GABRB3: variants seen among roughly 807,000 people sequenced by gnomAD.
GABRB3 encodes the protein gamma-aminobutyric acid type A receptor subunit beta3.
GABRB3 carries 14 observed loss-of-function variants against 52.1 expected under a neutral mutation model. That is an observed-to-expected ratio of 0.27 (90% CI 0.18 to 0.42). The LOEUF (loss-of-function observed/expected upper bound fraction) is 0.42. Ranked by LOEUF, GABRB3 falls within the 10% of genes least tolerant of loss-of-function variation. The probability of loss-of-function intolerance (pLI) is 1.00; values close to 1 mark genes in which losing one functional copy is unlikely to be tolerated. For synonymous variants in GABRB3, 260 were observed against 232.3 expected (o/e 1.12, Z -1.08); for missense variants, 307 against 609.1 (o/e 0.50, Z 5.22).
chr15:26,547,539 ATATATG>A lies in GABRB3; in HGVS notation c.*248_*253del. ...TAAATTGTCCATAGCTGCAAAATGTATATATGTATGTGTATTTGTCTTCCATACACA... is the reference window on the plus strand; with the variant it reads ...TAAATTGTCCATAGCTGCAAAATGTATATGTGTATTTGTCTTCCATACACA... On this transcript the variant is annotated 3_prime_UTR_variant, in exon 9 of 9. Transcript: ENST00000311550. The A allele has an allele frequency of 1.7e-6, 1 of 578,116 alleles. No individual in the cohort carries two copies. The highest frequency in any genetic ancestry group is 3.1e-6 in the Non-Finnish European group (1 of 327,352). 35.8% of individuals were successfully genotyped at this position (578,116 alleles called of 1,614,324 possible). A position where few individuals can be genotyped will look rare whatever the true frequency, so the allele number is the denominator to read the frequency against.
intron 7 of GABRB3, 97 bp from the exon 8 acceptor site, chr15:26,561,273 T>TC: frequency 2.6e-6 from 4 of 1,558,830 alleles, no homozygotes; most frequent in Non-Finnish European, 3.5e-6. Flanking sequence ...CTTTAAGTAG[T>TC]CAGAGATAAG....
chr15:26,733,613 T>C (rs1024255283), intron 3 of GABRB3, among the ~76,000 whole-genome samples: 1 of 152,218 alleles, frequency 6.6e-6, no homozygotes, highest in African/African-American at 2.4e-5. Flanking sequence ...CATTGATGTT[T>C]TATGCAGAAA....
chr15:26,599,278 C>A lies in GABRB3; in HGVS notation c.462-15864G>T, dbSNP rs1045859180. 9.2e-5 allele frequency among the ~76,000 whole-genome samples: 14 copies of A among 152,194 alleles called. 1 individual carries two copies. Among genetic ancestry groups the A allele is most frequent in the Admixed American group, 5.9e-4 (9 of 15,282 alleles). On this transcript the variant is annotated intron_variant, in intron 4 of 8. Transcript: ENST00000311550. ...TTCCAGAGATGGAAAGGGGCTAGAC[C>A]TTTCCATCAGCATCCAGCTCCTCCA...
At chr15:26,679,071 G>A (rs898168821) in intron 3 of GABRB3, among the ~76,000 whole-genome samples, 27 of 152,178 alleles carry the variant, frequency 1.8e-4, no homozygotes, top group South Asian at 1.2e-3. Flanking sequence ...TCCAGCATCC[G>A]CCCCGGGGGC....
At position 26,585,991 on chromosome 15, in the gene GABRB3, TTTTG is replaced by T. The variant is rs112657892; in HGVS notation, c.462-2581_462-2578del. ...CAATGTTCAAATTTTTTAATTTTCT[TTTTG>T]TTTGTTTGTTTGTTTGTTTTTGCTA... is the stretch of plus-strand genomic sequence containing the variant. On this transcript the variant is annotated intron_variant, in intron 4 of 8. Coordinates refer to ENST00000311550, the MANE Select transcript of GABRB3 (RefSeq NM_000814.6). 3.5e-3 allele frequency among the ~76,000 whole-genome samples: 535 copies of T among 152,180 alleles called. 4 individuals carry two copies. The highest frequency in any genetic ancestry group is 0.011 in the African/African-American group (445 of 41,524).
At position 26,709,334 on chromosome 15, in the gene GABRB3, G is replaced by GC. The variant is rs1444030882; in HGVS notation, c.240+63067dup. ...TTGATCACAGGAGAGTTGTTAAAAG[G>GC]CCCGTACCCCCTACCTCCCCTCTCT... On this transcript the variant is annotated intron_variant, in intron 3 of 8. Coordinates refer to ENST00000311550, the MANE Select transcript of GABRB3 (RefSeq NM_000814.6). Among the ~76,000 whole-genome samples, 9 of 152,012 alleles carry GC rather than the reference G, an allele frequency of 5.9e-5. No individual in the cohort carries two copies. The East Asian group carries it at 1.6e-3, about 26-fold the overall frequency.
intron 3 of GABRB3, among the ~76,000 whole-genome samples, chr15:26,756,790 A>C (rs1422432093): frequency 6.6e-6 from 1 of 152,290 alleles, no homozygotes; most frequent in South Asian, 2.1e-4. Flanking sequence ...TTTCCACTTA[A>C]CCATTCTCCT....
At chr15:26,704,065 G>A (rs529452531) in intron 3 of GABRB3, among the ~76,000 whole-genome samples, 27 of 152,294 alleles carry the variant, frequency 1.8e-4, no homozygotes, top group African/African-American at 4.8e-4. Flanking sequence ...GCAGTTCTCC[G>A]CATGGGCCTT....
In GABRB3 at chr15:26,674,559, C is replaced by T. The variant is rs147245969; in HGVS notation, c.241-53025G>A. ...AGAGGAATATAAGACCCTGTACTTG[C>T]GGCATTGAAATTCTAGAAAAAAAAT... On this transcript the variant is annotated intron_variant, in intron 3 of 8. Transcript: ENST00000311550. Among the ~76,000 whole-genome samples the T allele has an allele frequency of 1.6e-4, 25 of 151,710 alleles. No individual in the cohort carries two copies. In the East Asian group the frequency reaches 4.5e-3, roughly 27 times the overall value.
intron 3 of GABRB3, among the ~76,000 whole-genome samples, chr15:26,623,091 A>T (rs189466245): frequency 4.3e-4 from 65 of 152,312 alleles, no homozygotes; most frequent in African/African-American, 1.4e-3. Flanking sequence ...AGATTCTCGC[A>T]GAGCAGGTGA....
chr15:26,773,082 AGGGCGGAGGGGGAG>A (rs1891203827), upstream of GABRB3: 1 of 981,570 alleles, frequency 1.0e-6, no homozygotes, highest in Non-Finnish European at 1.2e-6. Flanking sequence ...GGAGCGGAGG[AGGGCGGAGGGGGAG>A]GGGAGGAGGG....
rs150301275 is a variant in GABRB3, at chr15:26,763,607, TACACACACACACACACAC to T, written c.240+8777_240+8794del. ...CACAACCATTTTTGGTCTGCATAGA[TACACACACACACACACAC>T]ACACACACACACACCATGGAATAAT... On this transcript the variant is annotated intron_variant, in intron 3 of 8. Coordinates refer to ENST00000311550, the MANE Select transcript of GABRB3 (RefSeq NM_000814.6). Among the ~76,000 whole-genome samples the T allele has an allele frequency of 1.5e-4, 22 of 145,958 alleles. No individual in the cohort carries two copies. In the South Asian group the frequency reaches 4.7e-3, roughly 31 times the overall value.
At chr15:26,637,549 G>A (rs991410708) in intron 3 of GABRB3, among the ~76,000 whole-genome samples, 1 of 152,198 alleles carries the variant, frequency 6.6e-6, no homozygotes, top group African/African-American at 2.4e-5. Flanking sequence ...CTGAACAAGT[G>A]TGTAGAAGTT....
At chr15:26,678,175 T>A (rs1448129980) in intron 3 of GABRB3, among the ~76,000 whole-genome samples, 2 of 152,168 alleles carry the variant, frequency 1.3e-5, no homozygotes, top group Non-Finnish European at 2.9e-5. Flanking sequence ...ACCCACTCAA[T>A]CCTTGGTGAT....
rs145186659 is a variant in GABRB3 at position 26,633,736 on chromosome 15, G to A, written c.241-12202C>T. On this transcript the variant is annotated intron_variant, in intron 3 of 8. Transcript: ENST00000311550. Reference sequence around the variant, plus strand: ...ACCTTGTAATAGTCTTAAAGCCCGTGCACCTGGAACTGTTTACTTTCCTGT... The same window carrying A: ...ACCTTGTAATAGTCTTAAAGCCCGTACACCTGGAACTGTTTACTTTCCTGT... Among the ~76,000 whole-genome samples, 98 of 152,236 alleles carry A rather than the reference G, an allele frequency of 6.4e-4. No individual in the cohort carries two copies. In the East Asian group the frequency reaches 8.7e-3, roughly 14 times the overall value.
chr15:26,726,843 A>G (rs1889786466), intron 3 of GABRB3, among the ~76,000 whole-genome samples: 1 of 152,118 alleles, frequency 6.6e-6, no homozygotes, highest in African/African-American at 2.4e-5. Context: ...ATACCTTGAG[A>G]TTGTGCAGGT....
chr15:26,605,088 T>C (rs1891735028), intron 4 of GABRB3, among the ~76,000 whole-genome samples: 1 of 152,012 alleles, frequency 6.6e-6, no homozygotes, highest in Non-Finnish European at 1.5e-5. Flanking sequence ...TGTCATTAAT[T>C]AAAACATGAC....
intron 3 of GABRB3, among the ~76,000 whole-genome samples, chr15:26,761,051 G>A (rs965440878): frequency 2.6e-5 from 4 of 152,024 alleles, no homozygotes; most frequent in Non-Finnish European, 5.9e-5. Context: ...ATCTGCCCCC[G>A]AGCTACTATT....
chr15:26,747,117 T>C (rs1262142346), intron 3 of GABRB3, among the ~76,000 whole-genome samples: 2 of 152,260 alleles, frequency 1.3e-5, no homozygotes, highest in African/African-American at 4.8e-5. Context: ...TTGTGCAGAA[T>C]GTTCCCCCAC....
Sources: allele counts gnomAD v4.1 joint callset (sites outside exome capture counted in the v4.1 genomes callset), GRCh38; gene constraint gnomAD v4.1.1; transcripts MANE v1.5; gene names NCBI Gene and HGNC (gene_info 2026-07-23, HGNC 2026-07-21).